The following NPAS3 variants were observed in gnomAD, a reference collection of about 807,000 sequenced individuals.
NPAS3 encodes neuronal PAS domain-containing protein 3.
Under a neutral mutation model 73.1 loss-of-function variants are expected in NPAS3, and 14 were observed. The ratio of observed to expected loss-of-function variants is 0.19; its 90% CI spans 0.13 to 0.30. NPAS3 has a LOEUF of 0.30. Among genes scored for constraint, NPAS3 ranks in the 10% least tolerant of loss-of-function variants. NPAS3 has a pLI of 1.00. For missense variants in NPAS3, 1,096 were observed against 1,250.0 expected (o/e 0.88, Z 1.86); for synonymous variants, 620 against 541.5 (o/e 1.14, Z -2.01).
intron 9 of NPAS3, among the ~76,000 whole-genome samples, chr14:33,785,645 C>T (rs891364036): frequency 6.6e-6 from 1 of 152,034 alleles, no homozygotes; most frequent in Non-Finnish European, 1.5e-5. Context: ...AAATGAGTGG[C>T]ATAGGATTTA....
chr14:33,418,443 G>A (rs1043132155), intron 4 of NPAS3, among the ~76,000 whole-genome samples: 3 of 152,030 alleles, frequency 2.0e-5, no homozygotes, highest in East Asian at 1.9e-4. Context: ...AATTTTCACA[G>A]AGATATCTCC....
intron 2 of NPAS3, among the ~76,000 whole-genome samples, chr14:33,173,050 C>CA (rs1332236198): frequency 5.3e-5 from 8 of 152,010 alleles, no homozygotes; most frequent in Non-Finnish European, 1.2e-4. Flanking sequence ...ATAACTTGAA[C>CA]AAAAAATTGA....
At chr14:33,611,097 C>T (rs2057733914) in intron 5 of NPAS3, 1 of 152,212 alleles carries the variant, frequency 6.6e-6, no homozygotes, top group African/African-American at 2.4e-5. Flanking sequence ...TTCCTTCCTA[C>T]ATCGTTAATG....
intron 3 of NPAS3, among the ~76,000 whole-genome samples, chr14:33,216,406 T>C (rs2047227223): frequency 6.6e-6 from 1 of 152,164 alleles, no homozygotes; most frequent in South Asian, 2.1e-4. Context: ...AGGATTCAGA[T>C]TGAAATGAAG....
intron 2 of NPAS3, among the ~76,000 whole-genome samples, chr14:33,149,645 G>A (rs1030607998): frequency 8.5e-5 from 13 of 152,200 alleles, no homozygotes; most frequent in Non-Finnish European, 1.8e-4. Flanking sequence ...CTAACATATA[G>A]TGGGTACCTT....
intron 6 of NPAS3, among the ~76,000 whole-genome samples, chr14:33,717,193 C>T (rs947243020): frequency 6.9e-6 from 1 of 144,648 alleles, no homozygotes; most frequent in Non-Finnish European, 1.5e-5. Flanking sequence ...TGTTGAATAA[C>T]CTAAGCATTC....
At chr14:33,570,505 A>C (rs76595074) in intron 5 of NPAS3, among the ~76,000 whole-genome samples, 4,742 of 152,290 alleles carry the variant, frequency 0.031, 95 homozygotes, top group Non-Finnish European at 0.05. Context: ...TCCCTGAAAT[A>C]ATAATAAAAA....
chr14:33,396,535 G>GA (rs1183880946), intron 4 of NPAS3, among the ~76,000 whole-genome samples: 2 of 152,042 alleles, frequency 1.3e-5, no homozygotes, highest in Non-Finnish European at 2.9e-5. Context: ...ATTTCACCAG[G>GA]AAAAAATATC....
At chr14:32,967,782 C>T (rs1339533738) in intron 1 of NPAS3, among the ~76,000 whole-genome samples, 4 of 146,192 alleles carry the variant, frequency 2.7e-5, no homozygotes, top group African/African-American at 1.0e-4. Flanking sequence ...GGGGGGGGGT[C>T]CTAAAAAATA....
At chr14:33,612,711 G>T (rs1311420149) in intron 5 of NPAS3, 1 of 346,454 alleles carries the variant, frequency 2.9e-6, no homozygotes, top group East Asian at 7.4e-5. Flanking sequence ...GCATCTCAAA[G>T]TTAGAACATA....
At chr14:33,178,952 T>A (rs2139427375) in intron 2 of NPAS3, among the ~76,000 whole-genome samples, 1 of 152,340 alleles carries the variant, frequency 6.6e-6, no homozygotes, top group South Asian at 2.1e-4. Flanking sequence ...TGCACATTTT[T>A]TGCAAATGTC....
chr14:33,527,967 A>G (rs2053875707), intron 4 of NPAS3, among the ~76,000 whole-genome samples: 1 of 152,102 alleles, frequency 6.6e-6, no homozygotes, highest in African/African-American at 2.4e-5. Context: ...TCCTAAGTAT[A>G]CAGGAAGCTA....
At chr14:33,569,013 A>C (rs1042704816) in intron 5 of NPAS3, among the ~76,000 whole-genome samples, 61 of 152,222 alleles carry the variant, frequency 4.0e-4, no homozygotes, top group African/African-American at 1.4e-3. Context: ...GTTTATTCAC[A>C]TGCCTATATA....
At chr14:33,407,373 T>A (rs2047713749) in intron 4 of NPAS3, among the ~76,000 whole-genome samples, 1 of 152,174 alleles carries the variant, frequency 6.6e-6, no homozygotes, top group Non-Finnish European at 1.5e-5. Context: ...AGAGGAAAAG[T>A]GGAAAGTCAC....
exon 6 of NPAS3, chr14:33,676,304 C>A (rs747807058): frequency 1.2e-6 from 2 of 1,613,022 alleles, no homozygotes; most frequent in Middle Eastern, 1.7e-4. Flanking sequence ...CCCCCCTGGG[C>A]GGGGTCTCCT....
chr14:33,527,816 C>A (rs17499818), intron 4 of NPAS3, among the ~76,000 whole-genome samples: 3,629 of 152,178 alleles, frequency 0.024, 75 homozygotes, highest in Middle Eastern at 0.051. Flanking sequence ...TTTTGAACAA[C>A]GCTGGGTTTT....
At chr14:33,225,558 A>C (rs1444110728) in intron 3 of NPAS3, among the ~76,000 whole-genome samples, 1 of 152,244 alleles carries the variant, frequency 6.6e-6, no homozygotes, top group African/African-American at 2.4e-5. Flanking sequence ...TTTATAGTGC[A>C]AAAGTAGCTA....
chr14:33,738,624 C>G (rs547970205), intron 7 of NPAS3, among the ~76,000 whole-genome samples: 79 of 152,320 alleles, frequency 5.2e-4, no homozygotes, highest in African/African-American at 1.6e-3. Flanking sequence ...TGCCACACCC[C>G]CTTCCTCAGG....
At chr14:33,321,194 T>C (rs2043430894) in intron 3 of NPAS3, among the ~76,000 whole-genome samples, 1 of 152,118 alleles carries the variant, frequency 6.6e-6, no homozygotes, top group African/African-American at 2.4e-5. Flanking sequence ...GCAAGGAATA[T>C]CAACCAATGA....
Sources: gnomAD v4.1 joint callset for allele counts (sites outside exome capture counted in the v4.1 genomes callset) on GRCh38, gnomAD v4.1.1 for gene constraint, MANE v1.5 for transcripts, NCBI Gene and HGNC (gene_info 2026-07-23, HGNC 2026-07-21) for gene names.